The following LHFPL3 variants were observed in gnomAD, a reference collection of about 807,000 sequenced individuals.
The protein encoded by LHFPL3 is LHFPL tetraspan subfamily member 3 protein.
LHFPL3 carries 5 observed loss-of-function variants against 19.3 expected under a neutral mutation model. The ratio of observed to expected loss-of-function variants is 0.26; its 90% CI spans 0.14 to 0.54. LHFPL3 has a LOEUF of 0.54. Ranked by LOEUF, LHFPL3 falls within the 20% of genes least tolerant of loss-of-function variation. The pLI is 0.94. For synonymous variants in LHFPL3, 133 were observed against 126.2 expected, an observed-to-expected ratio of 1.05 and a Z score of -0.36; for missense variants, 249 against 307.4, an observed-to-expected ratio of 0.81 and a Z score of 1.42.
At chr7:104,467,200 A>T (rs776950761) in intron 1 of LHFPL3, among the ~76,000 whole-genome samples, 19 of 152,166 alleles carry the variant, frequency 1.2e-4, no homozygotes, top group Non-Finnish European at 2.8e-4. Flanking sequence ...CATTCAATGT[A>T]AAAAATGGGA....
intron 1 of LHFPL3, among the ~76,000 whole-genome samples, chr7:104,412,792 G>A (rs565950692): frequency 6.6e-6 from 1 of 151,926 alleles, no homozygotes; most frequent in South Asian, 2.1e-4. Flanking sequence ...CTCACAGATC[G>A]TTGAGATCCC....
intron 2 of LHFPL3, among the ~76,000 whole-genome samples, chr7:104,821,358 G>T (rs1033871656): frequency 6.6e-6 from 1 of 152,232 alleles, no homozygotes; most frequent in African/African-American, 2.4e-5. Context: ...CTGAGGAGAG[G>T]CAAGGAAGTG....
intron 1 of LHFPL3, among the ~76,000 whole-genome samples, chr7:104,418,091 G>A (rs1165348198): frequency 6.6e-6 from 1 of 151,860 alleles, no homozygotes; most frequent in African/African-American, 2.4e-5. Context: ...GGTCAGGCTG[G>A]TCTCGAACTC....
chr7:104,341,080 C>G (rs2116366110), intron 1 of LHFPL3, among the ~76,000 whole-genome samples: 1 of 152,306 alleles, frequency 6.6e-6, no homozygotes, highest in African/African-American at 2.4e-5. Context: ...TTCTCCATCT[C>G]TAATAACATC....
At chr7:104,600,113 G>C (rs1790935120) in intron 1 of LHFPL3, among the ~76,000 whole-genome samples, 1 of 152,088 alleles carries the variant, frequency 6.6e-6, no homozygotes, top group Non-Finnish European at 1.5e-5. Context: ...TTTTTATTTT[G>C]TGTTAAACCA....
intron 2 of LHFPL3, among the ~76,000 whole-genome samples, chr7:104,754,011 A>AT (rs1488875903): frequency 6.6e-6 from 1 of 152,158 alleles, no homozygotes. Flanking sequence ...CACCCAGGAA[A>AT]TTTCTCACTT....
At chr7:104,875,444 T>C (rs1047140579) in intron 2 of LHFPL3, among the ~76,000 whole-genome samples, 2 of 152,200 alleles carry the variant, frequency 1.3e-5, no homozygotes, top group Non-Finnish European at 2.9e-5. Flanking sequence ...TCAATACTTA[T>C]TAGTCTTGAC....
At chr7:104,406,132 A>G (rs1791408561) in intron 1 of LHFPL3, among the ~76,000 whole-genome samples, 2 of 152,166 alleles carry the variant, frequency 1.3e-5, no homozygotes, top group Non-Finnish European at 2.9e-5. Flanking sequence ...CAAGCTTTCT[A>G]TTAATAACCA....
At chr7:104,724,555 A>T (rs987997424) in intron 1 of LHFPL3, among the ~76,000 whole-genome samples, 9 of 152,222 alleles carry the variant, frequency 5.9e-5, no homozygotes, top group Admixed American at 5.9e-4. Flanking sequence ...AAACTAAATG[A>T]TGAGAACACA....
intron 1 of LHFPL3, among the ~76,000 whole-genome samples, chr7:104,549,489 A>ACACACT (rs1385862408): frequency 6.8e-6 from 1 of 147,998 alleles, no homozygotes; most frequent in Non-Finnish European, 1.5e-5. Context: ...ACACACACAC[A>ACACACT]CTTATGTATA....
At chr7:104,837,112 A>C (rs571192356) in intron 2 of LHFPL3, among the ~76,000 whole-genome samples, 2 of 152,288 alleles carry the variant, frequency 1.3e-5, no homozygotes, top group South Asian at 4.1e-4. Flanking sequence ...GTTGTGTTTA[A>C]AGTTTGGCAA....
chr7:104,670,942 T>C (rs759954671), intron 1 of LHFPL3, among the ~76,000 whole-genome samples: 1 of 152,094 alleles, frequency 6.6e-6, no homozygotes, highest in Non-Finnish European at 1.5e-5. Flanking sequence ...CTGGTTTCTC[T>C]TGCAACACAG....
chr7:104,652,164 A>G (rs1792044562), intron 1 of LHFPL3, among the ~76,000 whole-genome samples: 1 of 152,038 alleles, frequency 6.6e-6, no homozygotes, highest in Non-Finnish European at 1.5e-5. Context: ...ACTGAGACTG[A>G]GAAGATGGGA....
chr7:104,337,018 C>CT (rs1385006877), intron 1 of LHFPL3, among the ~76,000 whole-genome samples: 19 of 152,004 alleles, frequency 1.2e-4, no homozygotes, highest in Non-Finnish European at 2.5e-4. Flanking sequence ...GCATCACAGG[C>CT]CCTTTTTTTT....
intron 1 of LHFPL3, among the ~76,000 whole-genome samples, chr7:104,450,587 G>A (rs896074333): frequency 6.6e-6 from 1 of 152,062 alleles, no homozygotes; most frequent in African/African-American, 2.4e-5. Flanking sequence ...GTGGGGGACT[G>A]GGGGAGGGAG....
At chr7:104,898,713 G>T (rs915995846) in intron 2 of LHFPL3, among the ~76,000 whole-genome samples, 3 of 152,098 alleles carry the variant, frequency 2.0e-5, no homozygotes, top group Non-Finnish European at 2.9e-5. Flanking sequence ...CCAGCACTCC[G>T]GGAGGCTGAG....
intron 1 of LHFPL3, chr7:104,668,663 G>A (rs1403529084): frequency 1.1e-5 from 17 of 1,611,740 alleles, no homozygotes; most frequent in East Asian, 6.7e-5. Context: ...ATGATCGGTC[G>A]TGGAGCTCCA....
intron 1 of LHFPL3, among the ~76,000 whole-genome samples, chr7:104,510,482 C>T (rs41052): frequency 0.14 from 21,085 of 152,074 alleles, 1,592 homozygotes; most frequent in East Asian, 0.21. Flanking sequence ...AGCAACTGGA[C>T]ATTCCTAGGC....
chr7:104,757,143 C>A (rs1319732965), intron 2 of LHFPL3, among the ~76,000 whole-genome samples: 1 of 152,148 alleles, frequency 6.6e-6, no homozygotes, highest in East Asian at 1.9e-4. Context: ...GCTGGGATAG[C>A]TGGCTAGCAA....
Sources: gnomAD v4.1 joint callset for allele counts (sites outside exome capture counted in the v4.1 genomes callset) on GRCh38, gnomAD v4.1.1 for gene constraint, MANE v1.5 for transcripts, NCBI Gene and HGNC (gene_info 2026-07-23, HGNC 2026-07-21) for gene names.